The following THSD7B variants were observed in gnomAD, a reference collection of about 807,000 sequenced individuals.
THSD7B encodes the protein thrombospondin type 1 domain containing 7B.
In THSD7B, 138 loss-of-function variants were observed where a neutral mutation model predicts 213.6. The observed-to-expected ratio is 0.65, with a 90% CI of 0.56 to 0.74. The LOEUF is 0.74. Ranked by LOEUF, THSD7B falls within the 30% of genes least tolerant of loss-of-function variation. THSD7B has a pLI of 0.00. For missense variants in THSD7B, 1,931 were observed against 1,991.5 expected (o/e 0.97, Z 0.58); for synonymous variants, 742 against 687.0 (o/e 1.08, Z -1.25).
At chr2:136,786,033 A>T (rs2104910137) in intron 1 of THSD7B, among the ~76,000 whole-genome samples, 1 of 152,294 alleles carries the variant, frequency 6.6e-6, no homozygotes, top group African/African-American at 2.4e-5. Flanking sequence ...CAGAAAACAA[A>T]CTCAAGGCTG....
intron 21 of THSD7B, among the ~76,000 whole-genome samples, chr2:137,653,767 T>A (rs778067486): frequency 6.6e-6 from 1 of 150,994 alleles, no homozygotes; most frequent in Non-Finnish European, 1.5e-5. Context: ...TTCTATTTTT[T>A]AAAATTATTA....
At chr2:136,786,899 G>T (rs536140692) in intron 1 of THSD7B, among the ~76,000 whole-genome samples, 24 of 152,266 alleles carry the variant, frequency 1.6e-4, no homozygotes, top group African/African-American at 5.8e-4. Context: ...TAAGTATGTT[G>T]TAGGGATGGA....
At chr2:136,900,608 T>C (rs116641420) in intron 2 of THSD7B, among the ~76,000 whole-genome samples, 108 of 152,318 alleles carry the variant, frequency 7.1e-4, no homozygotes, top group African/African-American at 2.5e-3. Context: ...ACCTAATGCT[T>C]TTTCAGCTTG....
Position 137,242,560 on chromosome 2 carries a change from A to G in THSD7B, c.2254A>G (p.Met752Val). The G allele has an allele frequency of 6.2e-7, 1 of 1,613,108 alleles. No individual in the cohort carries two copies. The highest frequency in any genetic ancestry group is 8.5e-7 in the Non-Finnish European group (1 of 1,179,232). The change falls in exon 10 of 28, where the codon ATG (methionine) becomes GTG (valine). Residue 752 changes from methionine (M) to valine (V), a missense_variant. Transcript: ENST00000409968. ...CAGTGAGTGGACACCCTGCCCAAGG[A>G]TGTGCCAAGCAGGTAGGTGGATGCT... Reference protein sequence around the residue: ...AFSEWTPCPRMCQAGNATVKQ... With the variant: ...AFSEWTPCPRVCQAGNATVKQ...
chr2:137,254,682 A>C (rs1302497099), intron 10 of THSD7B, among the ~76,000 whole-genome samples: 2 of 152,158 alleles, frequency 1.3e-5, no homozygotes, highest in African/African-American at 4.8e-5. Context: ...ATAATATGTA[A>C]TATCTGTAAG....
intron 5 of THSD7B, among the ~76,000 whole-genome samples, chr2:137,140,488 A>T (rs1679558812): frequency 6.6e-6 from 1 of 152,164 alleles, no homozygotes; most frequent in Non-Finnish European, 1.5e-5. Flanking sequence ...TTTGACAGAT[A>T]CCACCAAAAT....
chr2:137,165,762 T>C (rs72852240), intron 6 of THSD7B, among the ~76,000 whole-genome samples: 1 of 149,672 alleles, frequency 6.7e-6, no homozygotes, highest in Non-Finnish European at 1.5e-5. Context: ...TCTTAAAAAA[T>C]ACACACACAC....
In THSD7B at chr2:137,369,334, A is replaced by G. The variant is rs555520347; in HGVS notation, c.2501-36279A>G. ...GTTAATTGCTGTCAGCAGTCTTTCAAATTGATTTCTGGCATTATTTGCTTT... is the reference window on the plus strand; with the variant it reads ...GTTAATTGCTGTCAGCAGTCTTTCAGATTGATTTCTGGCATTATTTGCTTT... On this transcript the variant is annotated intron_variant, in intron 12 of 27. Coordinates refer to ENST00000409968, the MANE Select transcript of THSD7B (RefSeq NM_001316349.2). Among the ~76,000 whole-genome samples, 18 of 152,210 alleles carry G rather than the reference A, an allele frequency of 1.2e-4. No homozygotes were observed. In the South Asian group the frequency reaches 3.7e-3, roughly 32 times the overall value.
chr2:137,313,496 G>A (rs1405707809), intron 12 of THSD7B, among the ~76,000 whole-genome samples: 1 of 151,340 alleles, frequency 6.6e-6, no homozygotes, highest in Non-Finnish European at 1.5e-5. Flanking sequence ...GGAGCATTTA[G>A]TCCATTTACA....
intron 15 of THSD7B, among the ~76,000 whole-genome samples, chr2:137,492,634 C>T (rs1267769272): frequency 6.6e-6 from 1 of 152,068 alleles, no homozygotes; most frequent in Non-Finnish European, 1.5e-5. Flanking sequence ...ACATTCTGGG[C>T]CCCATTTATT....
intron 1 of THSD7B, among the ~76,000 whole-genome samples, chr2:136,772,655 G>A (rs1342984240): frequency 1.3e-5 from 2 of 152,124 alleles, no homozygotes; most frequent in Non-Finnish European, 1.5e-5. Context: ...GGTTGCTGGT[G>A]GGTGCCTGGG....
chr2:137,575,742 A>G (rs56743714), intron 17 of THSD7B, among the ~76,000 whole-genome samples: 1 of 147,328 alleles, frequency 6.8e-6, no homozygotes, highest in African/African-American at 2.4e-5. Context: ...ATATATATAT[A>G]TTTTTACTTT....
chr2:137,123,935 G>A (rs904003288), intron 5 of THSD7B, among the ~76,000 whole-genome samples: 1 of 152,096 alleles, frequency 6.6e-6, no homozygotes. Context: ...CACATTGCCT[G>A]GCAAAAGGTA....
At position 137,572,442 on chromosome 2, in the gene THSD7B, G is replaced by A. The variant is rs892152913; in HGVS notation, c.3309G>A (p.Val1103=). 1.2e-6 allele frequency: 2 copies of A among 1,613,790 alleles called. No individual in the cohort carries two copies. Among genetic ancestry groups the A allele is most frequent in the African/African-American group, 2.7e-5 (2 of 74,900 alleles). ...CTGCGGATGGTGAAGGTGGAGCAGT[G>A]GATAGCAACCTGTGCAACCAGGATG... The part of the protein sequence containing the change: ...VNTADGEGGA[V]DSNLCNQDEI... The change falls in exon 17 of 28, where the codon GTG becomes GTA. Residue 1103 remains valine (V), a synonymous_variant. Transcript: ENST00000409968.
chr2:137,569,559 T>G (rs1681311515), intron 16 of THSD7B, among the ~76,000 whole-genome samples: 1 of 152,142 alleles, frequency 6.6e-6, no homozygotes, highest in Non-Finnish European at 1.5e-5. Flanking sequence ...ATCCTTCAGT[T>G]TTTTTAAGCC....
chr2:136,918,303 G>T (rs1279363494), intron 2 of THSD7B, among the ~76,000 whole-genome samples: 1 of 152,034 alleles, frequency 6.6e-6, no homozygotes, highest in Non-Finnish European at 1.5e-5. Flanking sequence ...TCCTATTTTA[G>T]TAAAGAATGA....
At chr2:137,134,858 A>G (rs371137322) in intron 5 of THSD7B, among the ~76,000 whole-genome samples, 1 of 152,290 alleles carries the variant, frequency 6.6e-6, no homozygotes, top group South Asian at 2.1e-4. Context: ...CATTAACAGC[A>G]GTAACAATGA....
chr2:137,364,308 G>A (rs1447114773), intron 12 of THSD7B, among the ~76,000 whole-genome samples: 1 of 152,146 alleles, frequency 6.6e-6, no homozygotes, highest in Non-Finnish European at 1.5e-5. Context: ...GGCAAAAACT[G>A]GAAGCATTCC....
intron 1 of THSD7B, among the ~76,000 whole-genome samples, chr2:136,844,164 A>C (rs1017007065): frequency 9.2e-5 from 14 of 152,134 alleles, no homozygotes; most frequent in African/African-American, 3.4e-4. Flanking sequence ...GGTATACCAA[A>C]ATTATTCTAG....
Sources: allele counts gnomAD v4.1 joint callset (sites outside exome capture counted in the v4.1 genomes callset), GRCh38; gene constraint gnomAD v4.1.1; transcripts MANE v1.5; gene names NCBI Gene and HGNC (gene_info 2026-07-23, HGNC 2026-07-21).